The following ARAP2 variants were observed in gnomAD, a reference collection of about 807,000 sequenced individuals.
The protein encoded by ARAP2 is ArfGAP with RhoGAP domain, ankyrin repeat and PH domain 2.
In ARAP2, 148 loss-of-function variants were observed where a neutral mutation model predicts 194.5. The ratio of observed to expected loss-of-function variants is 0.76; its 90% CI spans 0.67 to 0.87. The LOEUF is 0.87. Among genes scored for constraint, ARAP2 ranks in the 40% least tolerant of loss-of-function variants. The pLI is 0.00. For missense variants in ARAP2, 2,128 were observed against 1,989.7 expected, an observed-to-expected ratio of 1.07 and a Z score of -1.32; for synonymous variants, 695 against 683.5, an observed-to-expected ratio of 1.02 and a Z score of -0.26.
intron 11 of ARAP2, among the ~76,000 whole-genome samples, chr4:36,163,605 CAT>C (rs962799573): frequency 2.0e-5 from 3 of 152,104 alleles, no homozygotes; most frequent in African/African-American, 7.2e-5. Context: ...GAGAATGACA[CAT>C]AGAAGGAAAT....
intron 5 of ARAP2, among the ~76,000 whole-genome samples, chr4:36,026,439 T>C (rs1005518041): frequency 1.3e-5 from 2 of 152,192 alleles, no homozygotes; most frequent in Non-Finnish European, 2.9e-5. Context: ...TAGCTTCAAT[T>C]CTGTGCTCTA....
chr4:36,114,767 G>A (rs1014013584), intron 25 of ARAP2, among the ~76,000 whole-genome samples: 1 of 151,952 alleles, frequency 6.6e-6, no homozygotes, highest in Non-Finnish European at 1.5e-5. Context: ...GCCATGCCAA[G>A]TGACAGATGG....
At chr4:36,221,239 T>G (rs1010711752) in intron 2 of ARAP2, among the ~76,000 whole-genome samples, 4 of 152,044 alleles carry the variant, frequency 2.6e-5, no homozygotes, top group African/African-American at 9.7e-5. Flanking sequence ...GTACATCCCA[T>G]GATGTCCAAA....
chr4:36,085,120 T>G (rs1310697923), intron 28 of ARAP2, among the ~76,000 whole-genome samples: 1 of 152,092 alleles, frequency 6.6e-6, no homozygotes, highest in East Asian at 1.9e-4. Context: ...TAGTTCTTTA[T>G]GTATTTAATA....
At chr4:36,065,646 C>A, downstream of ARAP2, 1 of 174,072 alleles carries the variant, frequency 5.7e-6, no homozygotes, top group South Asian at 1.1e-4. Flanking sequence ...CATGAATGAC[C>A]AAGTGGCACT....
chr4:36,071,235 G>A (rs894882467), intron 32 of ARAP2, among the ~76,000 whole-genome samples: 2 of 152,108 alleles, frequency 1.3e-5, no homozygotes, highest in African/African-American at 2.4e-5. Flanking sequence ...CATGTATAAT[G>A]TCACTTAATC....
chr4:36,161,339 TGTG>T, intron 12 of ARAP2, 123 bp downstream of exon 12: 3 of 663,386 alleles, frequency 4.5e-6, no homozygotes, highest in Non-Finnish European at 8.0e-6. Context: ...ACTTCCATAA[TGTG>T]GTGAGAACTT....
chr4:36,117,672 C>T (rs1435753771), intron 24 of ARAP2, among the ~76,000 whole-genome samples: 3 of 151,512 alleles, frequency 2.0e-5, no homozygotes, highest in Admixed American at 6.6e-5. Context: ...ATTAAAACTA[C>T]AAATAACATA....
chr4:36,053,625 C>T (rs1029001402), intron 2 of ARAP2, among the ~76,000 whole-genome samples: 1 of 152,082 alleles, frequency 6.6e-6, no homozygotes, highest in Non-Finnish European at 1.5e-5. Context: ...AACAATGACA[C>T]CTTTCTCATT....
intron 8 of ARAP2, among the ~76,000 whole-genome samples, chr4:36,181,700 T>G (rs1052866414): frequency 2.6e-5 from 4 of 152,238 alleles, no homozygotes; most frequent in African/African-American, 9.6e-5. Context: ...AAATATTTAC[T>G]AAGCCTATTA....
chr4:36,081,536 T>G (rs1729556935), intron 30 of ARAP2, among the ~76,000 whole-genome samples: 1 of 152,176 alleles, frequency 6.6e-6, no homozygotes, highest in Non-Finnish European at 1.5e-5. Flanking sequence ...CACGCAACAA[T>G]TCTGTGCTTG....
At chr4:36,017,809 G>T (rs1169594819) in intron 6 of ARAP2, among the ~76,000 whole-genome samples, 2 of 152,058 alleles carry the variant, frequency 1.3e-5, no homozygotes, top group East Asian at 1.9e-4. Flanking sequence ...ATGCTGAGGG[G>T]ATTTCTGAGC....
intron 31 of ARAP2, among the ~76,000 whole-genome samples, chr4:36,079,529 A>C (rs936879050): frequency 4.6e-5 from 7 of 152,174 alleles, no homozygotes; most frequent in African/African-American, 1.7e-4. Context: ...ATTTAGCTAG[A>C]CAAGGTTGGG....
At chr4:36,232,165 C>T (rs1349670757) in intron 1 of ARAP2, among the ~76,000 whole-genome samples, 1 of 152,222 alleles carries the variant, frequency 6.6e-6, no homozygotes, top group African/African-American at 2.4e-5. Context: ...GTTTAAGCTA[C>T]ATGGCCTGTG....
chr4:36,132,755 T>C (rs983368661), intron 20 of ARAP2, among the ~76,000 whole-genome samples: 1 of 151,782 alleles, frequency 6.6e-6, no homozygotes, highest in Non-Finnish European at 1.5e-5. Flanking sequence ...GCTATGCTTC[T>C]GAATATAAAC....
chr4:36,193,474 C>A, intron 7 of ARAP2, 104 bp downstream of exon 7: 2 of 589,048 alleles, frequency 3.4e-6, no homozygotes, highest in East Asian at 3.0e-5. Flanking sequence ...AAATTCTTTT[C>A]ATGTTGAGAA....
At chr4:36,032,318 C>G (rs2036223540) in intron 5 of ARAP2, among the ~76,000 whole-genome samples, 1 of 152,146 alleles carries the variant, frequency 6.6e-6, no homozygotes, top group South Asian at 2.1e-4. Context: ...AAGGCCTAGT[C>G]AAGGAAAGGG....
intron 1 of ARAP2, among the ~76,000 whole-genome samples, chr4:36,234,931 A>G (rs1051062245): frequency 2.6e-5 from 4 of 152,230 alleles, no homozygotes; most frequent in Non-Finnish European, 5.9e-5. Flanking sequence ...GGCATTACAG[A>G]CATGGCTGTG....
In ARAP2 at chr4:36,210,595, T is replaced by C. The variant is rs763527023; in HGVS notation, c.1282A>G (p.Lys428Glu). The C allele has an allele frequency of 1.2e-6, 2 of 1,613,984 alleles. No individual in the cohort carries two copies. The highest frequency in any genetic ancestry group is 1.7e-6 in the Non-Finnish European group (2 of 1,179,890). ...VEECFQSLRR[K>E]NSKASKSRTQ... Reference sequence around the variant, plus strand: ...CTAGATTTAGATGCCTTTGAATTTTTTCTTCTTAAACTCTGAAAGCATTCT... The same window carrying C: ...CTAGATTTAGATGCCTTTGAATTTTCTCTTCTTAAACTCTGAAAGCATTCT... Residue 428 changes from lysine to glutamate, a missense_variant, in exon 6 of 33, where the codon AAA (lysine) becomes GAA (glutamate). Transcript: ENST00000303965.
Sources: allele counts gnomAD v4.1 joint callset (sites outside exome capture counted in the v4.1 genomes callset), GRCh38; gene constraint gnomAD v4.1.1; transcripts MANE v1.5; gene names NCBI Gene and HGNC (gene_info 2026-07-23, HGNC 2026-07-21).